NUP133: variants seen among roughly 807,000 people sequenced by gnomAD.
The protein encoded by NUP133 is nuclear pore complex protein Nup133.
Under a neutral mutation model 146.2 loss-of-function variants are expected in NUP133, and 66 were observed. The ratio of observed to expected loss-of-function variants is 0.45; its 90% CI spans 0.37 to 0.55. NUP133 has a LOEUF of 0.55. Ranked by LOEUF, NUP133 falls within the 20% of genes least tolerant of loss-of-function variation. NUP133 has a pLI of 0.00. For missense variants in NUP133, 1,277 were observed against 1,374.8 expected, an observed-to-expected ratio of 0.93 and a Z score of 1.12; for synonymous variants, 521 against 498.8, an observed-to-expected ratio of 1.04 and a Z score of -0.59.
intron 21 of NUP133, among the ~76,000 whole-genome samples, chr1:229,453,663 C>T (rs903286923): frequency 6.6e-6 from 1 of 152,198 alleles, no homozygotes; most frequent in African/African-American, 2.4e-5. Context: ...AGCAAGCGGA[C>T]ACTTGCCCAC....
chr1:229,498,412 A>G (rs1053438657), intron 5 of NUP133, 106 bp from the exon 6 acceptor site: 19 of 717,480 alleles, frequency 2.6e-5, no homozygotes, highest in African/African-American at 3.7e-5. Flanking sequence ...AATAAATCTA[A>G]AAGAATACAA....
At chr1:229,464,218 T>C (rs980358509) in intron 18 of NUP133, among the ~76,000 whole-genome samples, 3 of 152,188 alleles carry the variant, frequency 2.0e-5, no homozygotes, top group African/African-American at 4.8e-5. Context: ...TCTTCCTTCA[T>C]GTAAGAGTAA....
chr1:229,507,700 A>G (rs1306675935), intron 1 of NUP133, among the ~76,000 whole-genome samples: 1 of 150,804 alleles, frequency 6.6e-6, no homozygotes, highest in Non-Finnish European at 1.5e-5. Context: ...GTGGCAATTC[A>G]TAATAACTCC....
chr1:229,489,756 A>G (rs1661461248), intron 9 of NUP133, among the ~76,000 whole-genome samples, 199 bp downstream of exon 9: 1 of 152,212 alleles, frequency 6.6e-6, no homozygotes, highest in Non-Finnish European at 1.5e-5. Context: ...CTACAGTCCC[A>G]GCCACTCGGG....
At chr1:229,458,960 G>C (rs1445614699) in intron 20 of NUP133, among the ~76,000 whole-genome samples, 1 of 151,814 alleles carries the variant, frequency 6.6e-6, no homozygotes, top group Admixed American at 6.6e-5. Flanking sequence ...TGGGAAAATA[G>C]GAGTACACAT....
intron 11 of NUP133, among the ~76,000 whole-genome samples, chr1:229,484,897 C>T (rs1451710327): frequency 1.3e-5 from 2 of 151,656 alleles, no homozygotes; most frequent in Non-Finnish European, 2.9e-5. Context: ...GGTATTAATC[C>T]CTTTTGTGAA....
intron 24 of NUP133, among the ~76,000 whole-genome samples, chr1:229,448,341 T>C (rs1205152201): frequency 6.6e-6 from 1 of 151,998 alleles, no homozygotes; most frequent in African/African-American, 2.4e-5. Context: ...GGCAGGAGAA[T>C]TGCTTGAACC....
intron 2 of NUP133, among the ~76,000 whole-genome samples, chr1:229,504,924 T>C (rs1280028080): frequency 6.6e-6 from 1 of 152,182 alleles, no homozygotes; most frequent in Non-Finnish European, 1.5e-5. Flanking sequence ...CCATACTGTA[T>C]ACCCCAAGCT....
rs767553903 is a variant in NUP133, at chr1:229,465,539, G to T, written c.2200-20C>A. On this transcript the variant is annotated intron_variant, in intron 16 of 25. Transcript: ENST00000261396. The stretch of plus-strand genomic sequence containing the variant: ...CATATCCTGGAAAAAAAGTTAATGT[G>T]TTATCACATGCAAAAGGTGATGGAT... 27 of 1,515,930 alleles carry T rather than the reference G, an allele frequency of 1.8e-5. No homozygotes were observed. Among genetic ancestry groups the T allele is most frequent in the Non-Finnish European group, 2.5e-5 (27 of 1,091,472 alleles). 93.9% of individuals were successfully genotyped at this position (1,515,930 alleles called of 1,614,324 possible).
chr1:229,487,079 A>G (rs1661370349), intron 10 of NUP133, among the ~76,000 whole-genome samples: 1 of 151,946 alleles, frequency 6.6e-6, no homozygotes, highest in African/African-American at 2.4e-5. Context: ...TTCTTCTTCA[A>G]TCCTGACCAG....
chr1:229,449,066 T>C (rs1398337041), intron 24 of NUP133, 60 bp downstream of exon 24: 1 of 1,244,678 alleles, frequency 8.0e-7, no homozygotes, highest in Non-Finnish European at 1.2e-6. Flanking sequence ...TGTCATGTGG[T>C]GAGAGCAGAG....
intron 21 of NUP133, among the ~76,000 whole-genome samples, chr1:229,453,659 C>CG (rs1283330316): frequency 2.0e-5 from 3 of 152,172 alleles, no homozygotes; most frequent in Non-Finnish European, 2.9e-5. Context: ...CTTCAGCAAG[C>CG]GGACACTTGC....
chr1:229,508,131 C>G lies in NUP133; in HGVS notation c.119G>C (p.Gly40Ala). The change falls in exon 1 of 26, where the codon GGG (glycine) becomes GCG (alanine). Residue 40 changes from glycine to alanine, a missense_variant. Transcript: ENST00000261396. ...GAGCACTGGGGAGCTGACTGCAGAC[C>G]CCAGGGGCAGACCCTTCCTGCTAGC... ...RTASRKGLPL[G>A]SAVSSPVLFS... The G allele has an allele frequency of 3.1e-6, 5 of 1,595,200 alleles. No homozygotes were observed. In the Admixed American group the frequency reaches 5.2e-5, roughly 17 times the overall value.
rs1214420277 is a variant in NUP133, at chr1:229,487,614, C to G, written c.1195-1G>C. 6.3e-7 allele frequency: 1 copy of G among 1,587,482 alleles called. No individual in the cohort carries two copies. ...ACTGACACAAAATCAGGTCTTCAGA[C>G]TGAAAGTTAAATTTAAGATTACATT... On this transcript the variant is annotated splice_acceptor_variant, in intron 9 of 25. Coordinates refer to ENST00000261396, the MANE Select transcript of NUP133 (RefSeq NM_018230.3). LOFTEE classifies it high-confidence loss of function.
chr1:229,468,458 GATAA>G (rs1421112341), intron 15 of NUP133, among the ~76,000 whole-genome samples: 5 of 152,234 alleles, frequency 3.3e-5, no homozygotes, highest in African/African-American at 1.2e-4. Flanking sequence ...GAGAAATGAA[GATAA>G]ATAGTGACAG....
intron 13 of NUP133, among the ~76,000 whole-genome samples, chr1:229,476,131 A>G (rs1661069488): frequency 6.6e-6 from 1 of 152,084 alleles, no homozygotes; most frequent in African/African-American, 2.4e-5. Context: ...GAAAAAAAAA[A>G]AAAGTCTATA....
At position 229,495,984 on chromosome 1, in the gene NUP133, T is replaced by C. The variant is rs776600390; in HGVS notation, c.883A>G (p.Ser295Gly). The change falls in exon 7 of 26, where the codon AGT becomes GGT. Residue 295 changes from serine (S) to glycine (G), a missense_variant. Transcript: ENST00000261396. ...GAAGAATCATCTAATTCCCATTTACTGATGTTTGAACTCGTCAGGCTATAA... is the reference window on the plus strand; with the variant it reads ...GAAGAATCATCTAATTCCCATTTACCGATGTTTGAACTCGTCAGGCTATAA... ...SFYSLTSSNI[S>G]KWELDDSSEK... The C allele has an allele frequency of 5.0e-6, 8 of 1,612,084 alleles. No homozygotes were observed. In the African/African-American group the frequency reaches 1.1e-4, roughly 22 times the overall value.
chr1:229,476,134 A>G (rs1477183508), intron 13 of NUP133, among the ~76,000 whole-genome samples: 1 of 151,918 alleles, frequency 6.6e-6, no homozygotes, highest in East Asian at 1.9e-4. Context: ...AAAAAAAAAA[A>G]GTCTATACAA....
chr1:229,477,855 A>G, intron 12 of NUP133, 95 bp from the exon 13 acceptor site: 1 of 890,836 alleles, frequency 1.1e-6, no homozygotes, highest in Non-Finnish European at 1.7e-6. Context: ...ATTCAGCCAA[A>G]AAAAAGAATG....
Sources: gnomAD v4.1 joint callset for allele counts (sites outside exome capture counted in the v4.1 genomes callset) on GRCh38, gnomAD v4.1.1 for gene constraint, MANE v1.5 for transcripts, NCBI Gene and HGNC (gene_info 2026-07-23, HGNC 2026-07-21) for gene names.